Variants in CHSY3 observed in about 807,000 individuals in gnomAD.
The protein encoded by CHSY3 is N-acetylgalactosaminyl-proteoglycan 3-beta-glucuronosyltransferase 3.
CHSY3 carries 35 observed loss-of-function variants against 67.2 expected under a neutral mutation model. The observed-to-expected ratio is 0.52, with a 90% CI of 0.40 to 0.69. The LOEUF is 0.69. Among genes scored for constraint, CHSY3 ranks in the 30% least tolerant of loss-of-function variants. The pLI, the probability that CHSY3 is intolerant of heterozygous loss-of-function variation, is 0.00. For synonymous variants in CHSY3, 474 were observed against 434.7 expected (o/e 1.09, Z -1.12); for missense variants, 1,069 against 1,138.5 (o/e 0.94, Z 0.88).
intron 2 of CHSY3, among the ~76,000 whole-genome samples, chr5:130,043,788 A>G (rs1188814688): frequency 1.3e-5 from 2 of 152,280 alleles, no homozygotes; most frequent in Non-Finnish European, 2.9e-5. Flanking sequence ...AGGTTGTTCT[A>G]AAGATAATAG....
intron 2 of CHSY3, among the ~76,000 whole-genome samples, chr5:130,117,279 A>G (rs1162259424): frequency 6.6e-6 from 1 of 152,192 alleles, no homozygotes; most frequent in African/African-American, 2.4e-5. Flanking sequence ...GGATGTTACT[A>G]ATCTCTACAC....
At chr5:130,015,460 C>G (rs1764192715) in intron 2 of CHSY3, among the ~76,000 whole-genome samples, 2 of 152,000 alleles carry the variant, frequency 1.3e-5, no homozygotes, top group Non-Finnish European at 2.9e-5. Flanking sequence ...AAGACATACA[C>G]AGGGTCAACA....
chr5:129,928,334 T>A (rs775495821), intron 2 of CHSY3, among the ~76,000 whole-genome samples: 17 of 152,036 alleles, frequency 1.1e-4, no homozygotes, highest in Non-Finnish European at 2.5e-4. Context: ...AATCTAGAAC[T>A]GTATCTAATA....
chr5:130,020,384 C>G (rs1297083148), intron 2 of CHSY3, among the ~76,000 whole-genome samples: 1 of 146,354 alleles, frequency 6.8e-6, no homozygotes, highest in Non-Finnish European at 1.5e-5. Flanking sequence ...CGTGCCACTG[C>G]ACTCCAACCT....
At chr5:130,087,750 C>T (rs1237878106) in intron 2 of CHSY3, among the ~76,000 whole-genome samples, 2 of 151,932 alleles carry the variant, frequency 1.3e-5, no homozygotes, top group African/African-American at 4.8e-5. Context: ...ATTCCATGCT[C>T]ATGGGTAGGA....
At chr5:129,988,083 A>G (rs1763256791) in intron 2 of CHSY3, among the ~76,000 whole-genome samples, 1 of 152,222 alleles carries the variant, frequency 6.6e-6, no homozygotes, top group South Asian at 2.1e-4. Context: ...ACACTTATAG[A>G]CATAAAAGGA....
At chr5:129,912,315 C>CT (rs1028985791) in intron 2 of CHSY3, among the ~76,000 whole-genome samples, 33 of 152,034 alleles carry the variant, frequency 2.2e-4, no homozygotes, top group African/African-American at 8.0e-4. Flanking sequence ...CAATGGCCCC[C>CT]TTTTTTGAAT....
intron 2 of CHSY3, among the ~76,000 whole-genome samples, chr5:129,988,555 T>C (rs1337377048): frequency 6.6e-6 from 1 of 152,190 alleles, no homozygotes; most frequent in Non-Finnish European, 1.5e-5. Context: ...TCTTATCAGT[T>C]GTGTTCACTG....
At chr5:130,114,800 T>C (rs1767729859) in intron 2 of CHSY3, among the ~76,000 whole-genome samples, 1 of 152,166 alleles carries the variant, frequency 6.6e-6, no homozygotes. Context: ...TAGGACGTCA[T>C]CTGGCACTCC....
chr5:129,964,232 T>C (rs1238125318), intron 2 of CHSY3, among the ~76,000 whole-genome samples: 2 of 151,870 alleles, frequency 1.3e-5, no homozygotes, highest in Non-Finnish European at 2.9e-5. Context: ...ACTGAAGGTC[T>C]GATTTGACCC....
intron 2 of CHSY3, among the ~76,000 whole-genome samples, chr5:130,074,685 A>T (rs1305816534): frequency 6.6e-6 from 1 of 152,206 alleles, no homozygotes; most frequent in Admixed American, 6.5e-5. Flanking sequence ...TTGAGAGAAG[A>T]AATAATTTAT....
At position 130,174,821 on chromosome 5, in the gene CHSY3, A is replaced by C. The variant is rs111939820; in HGVS notation, c.1087-9408A>C. Among the ~76,000 whole-genome samples, 708 of 152,278 alleles carry C rather than the reference A, an allele frequency of 4.6e-3. 4 individuals are homozygous for C. The highest frequency in any genetic ancestry group is 0.016 in the African/African-American group (679 of 41,556). ...TAGTTAAACTGAGGCACAAAAAGTT[A>C]AAGGATTTGTCCAAGGTCACATGTT... is the stretch of plus-strand genomic sequence containing the variant. On this transcript the variant is annotated intron_variant, in intron 2 of 2. Coordinates refer to ENST00000305031, the MANE Select transcript of CHSY3 (RefSeq NM_175856.5).
intron 2 of CHSY3, among the ~76,000 whole-genome samples, chr5:129,931,490 A>T (rs993225077): frequency 6.6e-6 from 1 of 152,182 alleles, no homozygotes; most frequent in African/African-American, 2.4e-5. Flanking sequence ...ATTTGAATAG[A>T]TGTGTATAAA....
At chr5:130,120,877 C>T (rs1767993620) in intron 2 of CHSY3, among the ~76,000 whole-genome samples, 1 of 152,170 alleles carries the variant, frequency 6.6e-6, no homozygotes, top group Non-Finnish European at 1.5e-5. Context: ...GGCCTGCACA[C>T]CGCTTTCCAT....
intron 2 of CHSY3, among the ~76,000 whole-genome samples, chr5:130,109,692 ATTTT>A (rs896614444): frequency 6.7e-6 from 1 of 149,628 alleles, no homozygotes; most frequent in African/African-American, 2.4e-5. Context: ...GAGGAGAGTA[ATTTT>A]TTTTTTAAGT....
Position 129,904,669 on chromosome 5 carries a change from G to T in CHSY3, c.-161G>T. The T allele has an allele frequency of 8.9e-7, 1 of 1,122,084 alleles. No individual in the cohort carries two copies. The highest frequency in any genetic ancestry group is 1.1e-6 in the Non-Finnish European group (1 of 895,202). The allele number at this position is 1,122,084 out of a possible 1,614,324, so 69.5% of individuals were successfully genotyped here. The stretch of plus-strand genomic sequence containing the variant: ...GGCAGCTGCAGCCCGCGGCAGTCGA[G>T]GCGTCCGCGGCGCTTCGACCTCCAG... On this transcript the variant is annotated 5_prime_UTR_variant, in exon 1 of 3. In the 5' UTR this introduces an upstream ATG that the reference lacks. Transcript: ENST00000305031.
chr5:130,001,288 C>A, intron 2 of CHSY3: 1 of 205,072 alleles, frequency 4.9e-6, no homozygotes, highest in Non-Finnish European at 8.6e-6. Context: ...AAAAGATTAT[C>A]TGAGAAACAG....
chr5:129,904,206 G>C (rs1760133164), upstream of CHSY3, among the ~76,000 whole-genome samples: 2 of 151,928 alleles, frequency 1.3e-5, no homozygotes, highest in South Asian at 2.1e-4. Flanking sequence ...AGGGGGCGTC[G>C]GCGCTGCAAG....
At chr5:130,019,594 A>T (rs1764308307) in intron 2 of CHSY3, among the ~76,000 whole-genome samples, 1 of 152,106 alleles carries the variant, frequency 6.6e-6, no homozygotes, top group South Asian at 2.1e-4. Context: ...TGCTATGTTT[A>T]GTCTCTCTGG....
Sources: allele counts gnomAD v4.1 joint callset (sites outside exome capture counted in the v4.1 genomes callset), GRCh38; gene constraint gnomAD v4.1.1; transcripts MANE v1.5; gene names NCBI Gene and HGNC (gene_info 2026-07-23, HGNC 2026-07-21).